EPB41: variants seen among roughly 807,000 people sequenced by gnomAD.
The protein encoded by EPB41 is erythrocyte membrane protein band 4.1, also known as protein 4.1.
EPB41 carries 65 observed loss-of-function variants against 108.0 expected under a neutral mutation model. That is an observed-to-expected ratio of 0.60 (90% CI 0.49 to 0.74). The LOEUF (loss-of-function observed/expected upper bound fraction) is 0.74. Among genes scored for constraint, EPB41 ranks in the 30% least tolerant of loss-of-function variants. The pLI is 0.00. For missense variants in EPB41, 875 were observed against 1,037.0 expected, an observed-to-expected ratio of 0.84 and a Z score of 2.15; for synonymous variants, 336 against 358.9, an observed-to-expected ratio of 0.94 and a Z score of 0.72.
intron 16 of EPB41, among the ~76,000 whole-genome samples, chr1:29,076,039 C>T (rs541234303): frequency 3.5e-4 from 54 of 152,282 alleles, no homozygotes; most frequent in African/African-American, 1.1e-3. Context: ...ATCTGTTTCC[C>T]TGTAGCTTTC....
At chr1:28,990,296 T>TTTCCTTCCTTCC (rs201526830) in intron 2 of EPB41, among the ~76,000 whole-genome samples, 1,307 of 44,066 alleles carry the variant, frequency 0.03, 124 homozygotes, top group African/African-American at 0.079. Context: ...GTTTTTCAAA[T>TTTCCTTCCTTCC]TTCCTTCCTT....
At chr1:29,108,879 G>A (rs1668167560) in intron 17 of EPB41, among the ~76,000 whole-genome samples, 1 of 109,544 alleles carries the variant, frequency 9.1e-6, no homozygotes. Context: ...TTTGTTAAGA[G>A]GTTACCCTGA....
intron 7 of EPB41, among the ~76,000 whole-genome samples, chr1:29,019,143 C>T (rs2096612114): frequency 6.6e-6 from 1 of 152,176 alleles, no homozygotes; most frequent in Non-Finnish European, 1.5e-5. Flanking sequence ...GGGCTGACCA[C>T]AATGGCTCGC....
intron 16 of EPB41, among the ~76,000 whole-genome samples, chr1:29,080,771 G>T (rs1656285481): frequency 6.6e-6 from 1 of 152,154 alleles, no homozygotes; most frequent in South Asian, 2.1e-4. Flanking sequence ...CTAATACTTA[G>T]CTGAGTAAAT....
intron 16 of EPB41, chr1:29,097,192 A>G (rs1161780771): frequency 6.4e-6 from 1 of 156,896 alleles, no homozygotes; most frequent in African/African-American, 2.4e-5. Flanking sequence ...CAGATGGACA[A>G]GAAGGCCTTT....
At chr1:28,930,269 G>A (rs1475006226) in intron 1 of EPB41, among the ~76,000 whole-genome samples, 2 of 142,784 alleles carry the variant, frequency 1.4e-5, no homozygotes, top group African/African-American at 5.2e-5. Context: ...TGATCCTACC[G>A]CCGCAGCCTT....
chr1:29,034,071 G>A (rs1638467026), intron 9 of EPB41, among the ~76,000 whole-genome samples: 1 of 152,084 alleles, frequency 6.6e-6, no homozygotes, highest in Admixed American at 6.6e-5. Flanking sequence ...AATTATTTGT[G>A]CCTGCAAATT....
rs79113168 is a variant in EPB41 at position 28,892,288 on chromosome 1, C to T, written c.-8+5078C>T. On this transcript the variant is annotated intron_variant, in intron 1 of 16. Transcript: ENST00000347529. ...CAGCCCCTGTAATGATAGTAGCAAA[C>T]GCTTCTGAATGGTTTACTGTGTGCC... Among the ~76,000 whole-genome samples, 511 of 152,176 alleles carry T rather than the reference C, an allele frequency of 3.4e-3. 3 individuals carry two copies. The highest frequency in any genetic ancestry group is 0.011 in the African/African-American group (450 of 41,516).
rs890522338 is a variant in EPB41, at chr1:29,024,432, G to A, written c.1125-5968G>A. Among the ~76,000 whole-genome samples, 3 of 151,662 alleles carry A rather than the reference G, an allele frequency of 2.0e-5. 1 individual carries two copies. Among genetic ancestry groups the A allele is most frequent in the Admixed American group, 6.6e-5 (1 of 15,236 alleles). ...GTGGATCACGAGGTCAGGAGTTCAA[G>A]ACCAGCCTGGTCAAGATGGTGAAAC... On this transcript the variant is annotated intron_variant, in intron 7 of 20. Transcript: ENST00000343067.
rs780345005 is a variant in EPB41, at chr1:29,060,441, A to G, written c.1964A>G (p.Asp655Gly). ...TCACAGAAAAAGAGAGAAAGACTAG[A>G]TGGTGAAAACATTTATATCAGACAT... Reference protein sequence around the residue: ...RMRKKKRERLDGENIYIRHSN... With the variant: ...RMRKKKRERLGGENIYIRHSN... The change falls in exon 15 of 21, where the codon GAT (aspartate) becomes GGT (glycine). Residue 655 changes from aspartate (D) to glycine (G), a missense_variant. Transcript: ENST00000343067. 8.1e-6 allele frequency: 13 copies of G among 1,612,844 alleles called. No individual in the cohort carries two copies. The highest frequency in any genetic ancestry group is 1.7e-6 in the Non-Finnish European group (2 of 1,179,052).
At chr1:28,973,697 A>G (rs1048264282) in intron 1 of EPB41, among the ~76,000 whole-genome samples, 3 of 152,004 alleles carry the variant, frequency 2.0e-5, no homozygotes, top group Non-Finnish European at 2.9e-5. Context: ...GCCCAACCCC[A>G]TTTGTTTTCT....
intron 1 of EPB41, among the ~76,000 whole-genome samples, chr1:28,971,168 C>T (rs796297842): frequency 1.6e-4 from 19 of 117,940 alleles, no homozygotes; most frequent in East Asian, 8.6e-4. Context: ...TTTTTTTTTT[C>T]TTTCTTTCTT....
At chr1:29,041,669 T>G (rs2150484684) in intron 11 of EPB41, among the ~76,000 whole-genome samples, 1 of 150,348 alleles carries the variant, frequency 6.7e-6, no homozygotes, top group East Asian at 1.9e-4. Flanking sequence ...AGAAGCTCAG[T>G]GGTAAAATGA....
At chr1:28,896,622 G>A (rs565672714) in intron 1 of EPB41, among the ~76,000 whole-genome samples, 14 of 152,332 alleles carry the variant, frequency 9.2e-5, no homozygotes, top group African/African-American at 3.4e-4. Flanking sequence ...GGAAGGAACA[G>A]CATGTGCCAA....
At chr1:29,111,278 T>C (rs1364980956) in intron 18 of EPB41, among the ~76,000 whole-genome samples, 1 of 152,214 alleles carries the variant, frequency 6.6e-6, no homozygotes, top group Non-Finnish European at 1.5e-5. Context: ...TTTTGTTTAC[T>C]TGCTAGATTT....
chr1:29,109,294 C>G (rs1393151694), intron 17 of EPB41, 42 bp from the exon 18 acceptor site: 1 of 1,499,042 alleles, frequency 6.7e-7, no homozygotes, highest in East Asian at 2.3e-5. Flanking sequence ...TTTGCCCAGT[C>G]TTCCTGAGAG....
At chr1:29,085,291 C>T (rs1290706392) in intron 16 of EPB41, among the ~76,000 whole-genome samples, 4 of 151,516 alleles carry the variant, frequency 2.6e-5, no homozygotes, top group African/African-American at 7.3e-5. Flanking sequence ...TACAGGCACC[C>T]GCCACCATGC....
chr1:29,112,413 G>T lies in EPB41; in HGVS notation c.2461G>T (p.Val821Leu). 6.2e-7 allele frequency: 1 copy of T among 1,613,788 alleles called. No individual in the cohort carries two copies. ...AGAGACACGTATTGAAAAGAGAATT[G>T]TGATCACAGGAGATGCTGATATTGA... is the stretch of plus-strand genomic sequence containing the variant. ...ISETRIEKRIVITGDADIDHD... is the reference protein window; with the variant it reads ...ISETRIEKRILITGDADIDHD... Residue 821 changes from valine (V) to leucine (L), a missense_variant, in exon 19 of 21, where the codon GTG (valine) becomes TTG (leucine). Physicochemically the swap from Val to Leu is conservative, Grantham distance 32 (BLOSUM62 1). Around this residue, in one of 3 missense-constraint regions of EPB41, gnomAD observed 519 missense variants for 627.3 expected, o/e 0.83. Coordinates refer to ENST00000343067, the MANE Select transcript of EPB41 (RefSeq NM_001376013.1).
chr1:29,012,205 G>T (rs1229626865), intron 5 of EPB41, among the ~76,000 whole-genome samples: 1 of 151,994 alleles, frequency 6.6e-6, no homozygotes, highest in African/African-American at 2.4e-5. Context: ...ACAAAGATGA[G>T]AAAAGAAAAA....
Sources: gnomAD v4.1 joint callset for allele counts (sites outside exome capture counted in the v4.1 genomes callset) on GRCh38, gnomAD v4.1.1 for gene constraint, gnomAD v4.1.1 regional missense constraint, MANE v1.5 for transcripts, NCBI Gene and HGNC (gene_info 2026-07-23, HGNC 2026-07-21) for gene names.